Variants in TRAIP observed in about 807,000 individuals in gnomAD.
TRAIP encodes the protein TRAF interacting protein.
Under a neutral mutation model 65.0 loss-of-function variants are expected in TRAIP, and 37 were observed. The observed-to-expected ratio is 0.57, with a 90% CI of 0.44 to 0.75. TRAIP has a LOEUF of 0.75. TRAIP is among the 30% of genes least tolerant of loss of function. The pLI is 0.00. For missense variants in TRAIP, 481 were observed against 579.4 expected (o/e 0.83, Z 1.74); for synonymous variants, 187 against 219.1 (o/e 0.85, Z 1.29).
At chr3:49,851,709 T>G (rs2081933588) in intron 1 of TRAIP, among the ~76,000 whole-genome samples, 2 of 150,126 alleles carry the variant, frequency 1.3e-5, no homozygotes. Flanking sequence ...ACTTTTTTTT[T>G]TTTTTAAGAC....
chr3:49,843,599 T>C, intron 5 of TRAIP: 2 of 623,708 alleles, frequency 3.2e-6, no homozygotes, highest in Non-Finnish European at 5.4e-6. Context: ...CCCACAAGTA[T>C]AGCCAATATG....
chr3:49,848,284 G>T, intron 1 of TRAIP, 84 bp from the exon 2 acceptor site: 2 of 1,452,042 alleles, frequency 1.4e-6, no homozygotes, highest in Middle Eastern at 1.7e-4. Flanking sequence ...ACCACGAAAG[G>T]GTCTGTTCTG....
chr3:49,835,297 G>A (rs1332334687), intron 10 of TRAIP, among the ~76,000 whole-genome samples: 1 of 152,212 alleles, frequency 6.6e-6, no homozygotes, highest in South Asian at 2.1e-4. Context: ...AAGACATTAT[G>A]CTAAGTGAAA....
At chr3:49,831,433 G>A (rs2108309238) in intron 11 of TRAIP, among the ~76,000 whole-genome samples, 1 of 152,348 alleles carries the variant, frequency 6.6e-6, no homozygotes, top group South Asian at 2.1e-4. Context: ...GGTTCCACCT[G>A]CCCCACTGGA....
At chr3:49,854,260 G>A (rs914012182) in intron 1 of TRAIP, among the ~76,000 whole-genome samples, 2 of 152,230 alleles carry the variant, frequency 1.3e-5, no homozygotes, top group Admixed American at 1.3e-4. Flanking sequence ...AGGAGGTCAA[G>A]GCTGCAGTGA....
intron 1 of TRAIP, among the ~76,000 whole-genome samples, chr3:49,848,554 A>G (rs1393912724): frequency 6.6e-6 from 1 of 152,242 alleles, no homozygotes; most frequent in African/African-American, 2.4e-5. Flanking sequence ...CCCAAAGACT[A>G]CACTTTCAAG....
chr3:49,834,794 T>C (rs1435440468), intron 10 of TRAIP, among the ~76,000 whole-genome samples: 1 of 152,178 alleles, frequency 6.6e-6, no homozygotes, highest in Non-Finnish European at 1.5e-5. Flanking sequence ...AAAAAGTCCA[T>C]GGTGCACAAA....
intron 8 of TRAIP, 141 bp from the exon 9 acceptor site, chr3:49,840,514 G>C: frequency 1.5e-6 from 1 of 682,374 alleles, no homozygotes; most frequent in Non-Finnish European, 2.5e-6. Context: ...TCTGAGGCTA[G>C]GCCTCAGTCT....
chr3:49,840,421 T>C, intron 8 of TRAIP, 48 bp from the exon 9 acceptor site: 1 of 1,519,788 alleles, frequency 6.6e-7, no homozygotes, highest in Non-Finnish European at 9.1e-7. Context: ...GGTAGCCTTG[T>C]GCCCTGCCCC....
chr3:49,831,573 G>T (rs2081733254), intron 11 of TRAIP, among the ~76,000 whole-genome samples: 1 of 152,218 alleles, frequency 6.6e-6, no homozygotes, highest in Non-Finnish European at 1.5e-5. Context: ...AGGAAGTTCA[G>T]AGTCCCTCGC....
intron 6 of TRAIP, among the ~76,000 whole-genome samples, chr3:49,842,208 T>A (rs1175899129): frequency 6.6e-6 from 1 of 152,078 alleles, no homozygotes; most frequent in Non-Finnish European, 1.5e-5. Flanking sequence ...ACCCACCAGG[T>A]CATCTGGCCA....
intron 1 of TRAIP, among the ~76,000 whole-genome samples, chr3:49,850,170 A>G (rs1266342588): frequency 6.8e-6 from 1 of 147,214 alleles, no homozygotes; most frequent in East Asian, 1.9e-4. Flanking sequence ...AGCCAGATAC[A>G]AAAAGTTATA....
At chr3:49,847,221 A>AAATAAATT (rs1553619331) in intron 3 of TRAIP, among the ~76,000 whole-genome samples, 1 of 146,476 alleles carries the variant, frequency 6.8e-6, no homozygotes, top group African/African-American at 2.6e-5. Context: ...ATAAATAAAT[A>AAATAAATT]AAATAAAAAA....
intron 10 of TRAIP, among the ~76,000 whole-genome samples, chr3:49,834,393 C>T (rs2081762914): frequency 6.6e-6 from 1 of 152,158 alleles, no homozygotes; most frequent in Non-Finnish European, 1.5e-5. Flanking sequence ...GGACAAGAGA[C>T]TGACACAGCA....
intron 3 of TRAIP, 94 bp downstream of exon 3, chr3:49,847,431 A>C: frequency 1.3e-6 from 1 of 791,262 alleles, no homozygotes; most frequent in Non-Finnish European, 2.1e-6. Flanking sequence ...AGAGAAGAGA[A>C]GAGAAGAGAA....
rs1575387538 is a variant in TRAIP, at chr3:49,829,008, C to T, written c.*95G>A. On this transcript the variant is annotated 3_prime_UTR_variant, in exon 15 of 15. Transcript: ENST00000331456. ...CTGCCCTTACACCTCAGGCTGGTCCCGAAAGTGGGGCTCTGTCCACAAAAC... is the reference window on the plus strand; with the variant it reads ...CTGCCCTTACACCTCAGGCTGGTCCTGAAAGTGGGGCTCTGTCCACAAAAC... 1.1e-5 allele frequency: 17 copies of T among 1,579,658 alleles called. No homozygotes were observed. The highest frequency in any genetic ancestry group is 6.7e-5 in the Admixed American group (4 of 59,450).
At chr3:49,837,072 C>G (rs2081795616) in intron 10 of TRAIP, among the ~76,000 whole-genome samples, 1 of 150,978 alleles carries the variant, frequency 6.6e-6, no homozygotes, top group Non-Finnish European at 1.5e-5. Context: ...ATCCTCTCAC[C>G]TCAGCCTCCC....
intron 7 of TRAIP, 61 bp from the exon 8 acceptor site, chr3:49,841,133 C>A: frequency 7.2e-7 from 1 of 1,395,386 alleles, no homozygotes; most frequent in Non-Finnish European, 1.0e-6. Flanking sequence ...GACTGAGCCA[C>A]AGCACTAATC....
chr3:49,851,841 C>A (rs113306549), intron 1 of TRAIP, among the ~76,000 whole-genome samples: 1 of 151,512 alleles, frequency 6.6e-6, no homozygotes, highest in Non-Finnish European at 1.5e-5. Flanking sequence ...GGACTAGAGG[C>A]GCCCGCCACC....
Sources: allele counts gnomAD v4.1 joint callset (sites outside exome capture counted in the v4.1 genomes callset), GRCh38; gene constraint gnomAD v4.1.1; transcripts MANE v1.5; gene names NCBI Gene and HGNC (gene_info 2026-07-23, HGNC 2026-07-21).